ELAVL2: variants seen among roughly 807,000 people sequenced by gnomAD.
ELAVL2 encodes the protein ELAV-like protein 2.
In ELAVL2, 4 loss-of-function variants were observed where a neutral mutation model predicts 34.6. The ratio of observed to expected loss-of-function variants is 0.12; its 90% CI spans 0.06 to 0.26. ELAVL2 has a LOEUF of 0.26. ELAVL2 is among the 10% of genes least tolerant of loss of function. The pLI is 1.00. For synonymous variants in ELAVL2, 193 were observed against 154.8 expected (o/e 1.25, Z -1.83); for missense variants, 432 against 442.8 (o/e 0.98, Z 0.22).
chr9:23,840,124 C>A, the ELAVL2 span, among the ~76,000 whole-genome samples: 1 of 152,316 alleles, frequency 6.6e-6, no homozygotes, highest in East Asian at 1.9e-4. Context: ...CCCAACCTCT[C>A]TAAGCCTCAA....
At chr9:23,695,301 T>G (rs1005074882) in intron 5 of ELAVL2, among the ~76,000 whole-genome samples, 5 of 152,180 alleles carry the variant, frequency 3.3e-5, no homozygotes, top group Non-Finnish European at 7.3e-5. Context: ...ACCAAAGTGC[T>G]AGAAGACCCA....
At chr9:23,765,677 C>A (rs35327188) in intron 1 of ELAVL2, among the ~76,000 whole-genome samples, 4,588 of 152,182 alleles carry the variant, frequency 0.03, 85 homozygotes, top group East Asian at 0.073. Flanking sequence ...TACAGTCAAA[C>A]GGTTTCTAAC....
At chr9:23,826,472 A>G (rs186832761), upstream of ELAVL2, 1 of 152,458 alleles carries the variant, frequency 6.6e-6, no homozygotes, top group East Asian at 1.9e-4. Flanking sequence ...ACGATTGGCT[A>G]TGGGCTTGTG....
intron 1 of ELAVL2, among the ~76,000 whole-genome samples, chr9:23,793,464 C>T (rs1170379571): frequency 6.6e-6 from 1 of 152,152 alleles, no homozygotes; most frequent in African/African-American, 2.4e-5. Flanking sequence ...TTGATCTGAG[C>T]TCAATCAGTT....
chr9:23,737,477 C>T (rs1487365268), intron 2 of ELAVL2, among the ~76,000 whole-genome samples: 1 of 152,180 alleles, frequency 6.6e-6, no homozygotes, highest in Non-Finnish European at 1.5e-5. Flanking sequence ...AAAGTGTCAT[C>T]TAGAGTAATT....
At chr9:23,806,444 T>C (rs2062232448) in intron 1 of ELAVL2, among the ~76,000 whole-genome samples, 1 of 152,094 alleles carries the variant, frequency 6.6e-6, no homozygotes, top group African/African-American at 2.4e-5. Context: ...AAGACAAGCC[T>C]GGGTAAGATG....
chr9:23,714,044 G>C (rs999802089), intron 3 of ELAVL2, among the ~76,000 whole-genome samples: 5 of 152,088 alleles, frequency 3.3e-5, no homozygotes, highest in African/African-American at 1.2e-4. Flanking sequence ...AAGAGCAGAG[G>C]AACCATAAAT....
intron 1 of ELAVL2, among the ~76,000 whole-genome samples, chr9:23,795,590 T>C (rs939213463): frequency 6.6e-6 from 1 of 152,050 alleles, no homozygotes; most frequent in South Asian, 2.1e-4. Flanking sequence ...ACATTGTAAG[T>C]ACTGGAAAAT....
intron 2 of ELAVL2, among the ~76,000 whole-genome samples, chr9:23,759,363 T>C (rs543745557): frequency 4.0e-4 from 61 of 151,702 alleles, no homozygotes; most frequent in African/African-American, 1.5e-3. Flanking sequence ...GCTGATCTCA[T>C]TGGAGGCGAG....
chr9:23,823,325 T>A (rs2065065091), intron 1 of ELAVL2, among the ~76,000 whole-genome samples: 1 of 152,206 alleles, frequency 6.6e-6, no homozygotes, highest in Non-Finnish European at 1.5e-5. Context: ...ACTTAATTTG[T>A]CAATCCAAAC....
At chr9:23,703,028 T>G (rs2038006559) in intron 4 of ELAVL2, among the ~76,000 whole-genome samples, 1 of 139,488 alleles carries the variant, frequency 7.2e-6, no homozygotes, top group South Asian at 2.6e-4. Flanking sequence ...TCCTCCTACT[T>G]AAGCATACCT....
chr9:23,828,675 C>T (rs1171235249), upstream of ELAVL2, among the ~76,000 whole-genome samples: 1 of 151,588 alleles, frequency 6.6e-6, no homozygotes, highest in Non-Finnish European at 1.5e-5. Flanking sequence ...TATTGTCATC[C>T]CTAACATGTT....
At chr9:23,695,014 A>T (rs1400221113) in intron 5 of ELAVL2, among the ~76,000 whole-genome samples, 1 of 152,246 alleles carries the variant, frequency 6.6e-6, no homozygotes, top group Non-Finnish European at 1.5e-5. Flanking sequence ...AACTTAGTCC[A>T]GAATGAAAAC....
At chr9:23,777,237 C>T (rs1466191890) in intron 1 of ELAVL2, among the ~76,000 whole-genome samples, 1 of 152,206 alleles carries the variant, frequency 6.6e-6, no homozygotes, top group Non-Finnish European at 1.5e-5. Context: ...TCATCCACTA[C>T]TTTAATCTGA....
intron 3 of ELAVL2, among the ~76,000 whole-genome samples, chr9:23,713,776 T>C (rs1277250864): frequency 6.6e-6 from 1 of 152,160 alleles, no homozygotes; most frequent in East Asian, 1.9e-4. Flanking sequence ...CTGTAACTGG[T>C]AAAGTTCTGG....
chr9:23,704,675 C>A lies in ELAVL2; in HGVS notation c.487+243G>T, dbSNP rs72693527. 7.3e-3 allele frequency among the ~76,000 whole-genome samples: 1,109 copies of A among 152,258 alleles called. 9 individuals are homozygous for A. Among genetic ancestry groups the A allele is most frequent in the Non-Finnish European group, 0.011 (774 of 68,036 alleles). The stretch of plus-strand genomic sequence containing the variant: ...ATAGCATCTATAAATTTATTACAAG[C>A]CATGAAACAGGCTTCAATCCTGCAC... On this transcript the variant is annotated intron_variant, in intron 4 of 6. Coordinates refer to ENST00000397312, the MANE Select transcript of ELAVL2 (RefSeq NM_004432.5).
At chr9:23,763,420 A>G (rs2055509330) in intron 1 of ELAVL2, among the ~76,000 whole-genome samples, 1 of 152,106 alleles carries the variant, frequency 6.6e-6, no homozygotes, top group Non-Finnish European at 1.5e-5. Flanking sequence ...AAATCAACGC[A>G]TCACTGAAAG....
intron 1 of ELAVL2, chr9:23,764,954 C>T (rs2055897476): frequency 1.3e-6 from 2 of 1,553,568 alleles, no homozygotes; most frequent in Non-Finnish European, 8.8e-7. Context: ...CCTCAGCACT[C>T]CTCCAACATG....
At chr9:23,726,375 T>C (rs932941445) in intron 3 of ELAVL2, among the ~76,000 whole-genome samples, 1 of 152,150 alleles carries the variant, frequency 6.6e-6, no homozygotes, top group Non-Finnish European at 1.5e-5. Context: ...GCCTGGTCTA[T>C]AGCTGAATGA....
Sources: allele counts gnomAD v4.1 joint callset (sites outside exome capture counted in the v4.1 genomes callset), GRCh38; gene constraint gnomAD v4.1.1; transcripts MANE v1.5; gene names NCBI Gene and HGNC (gene_info 2026-07-23, HGNC 2026-07-21).